MRPL32: variants seen among roughly 807,000 people sequenced by gnomAD.
The protein encoded by MRPL32 is large ribosomal subunit protein bL32m.
In MRPL32, 14 loss-of-function variants were observed where a neutral mutation model predicts 21.7. The ratio of observed to expected loss-of-function variants is 0.64; its 90% CI spans 0.43 to 1.01. MRPL32 has a LOEUF of 1.01. Ranked by LOEUF, MRPL32 falls within the 50% of genes least tolerant of loss-of-function variation. MRPL32 has a pLI of 0.00. For synonymous variants in MRPL32, 83 were observed against 87.7 expected (o/e 0.95, Z 0.30); for missense variants, 211 against 235.9 (o/e 0.89, Z 0.69).
intron 1 of MRPL32, 71 bp downstream of exon 1, chr7:42,932,587 T>G: frequency 6.8e-7 from 1 of 1,470,276 alleles, no homozygotes; most frequent in Non-Finnish European, 9.1e-7. Context: ...AGACGCAGCT[T>G]ACACAGTTCG....
At position 42,935,045 on chromosome 7, in the gene MRPL32, G is replaced by C. The variant is rs1288967958; in HGVS notation, c.221G>C (p.Ser74Thr). ...AAAGAGAATTCCAGCCTTTTGGACA[G>C]TATCTTTTGGATGGCAGCTCCCAAA... ...GSKENSSLLD[S>T]IFWMAAPKNR... The change falls in exon 2 of 3, where the codon AGT (serine) becomes ACT (threonine). Residue 74 changes from serine to threonine, a missense_variant. Ser to Thr is a moderately conservative substitution (Grantham distance 58, BLOSUM62 1). Around this residue, in one of 2 missense-constraint regions of MRPL32, gnomAD observed 130 missense variants for 180.1 expected, o/e 0.72. Coordinates refer to ENST00000223324, the MANE Select transcript of MRPL32 (RefSeq NM_031903.3). The C allele has an allele frequency of 6.2e-7, 1 of 1,613,970 alleles. No individual in the cohort carries two copies. Among genetic ancestry groups the C allele is most frequent in the Non-Finnish European group, 8.5e-7 (1 of 1,180,004 alleles).
chr7:42,932,946 T>C (rs1005221921), intron 1 of MRPL32, among the ~76,000 whole-genome samples: 1 of 151,746 alleles, frequency 6.6e-6, no homozygotes, highest in Admixed American at 6.6e-5. Context: ...AGAAGTGTAG[T>C]ATAGTGAAGT....
intron 1 of MRPL32, among the ~76,000 whole-genome samples, chr7:42,932,900 G>C (rs971850662): frequency 1.3e-5 from 2 of 152,076 alleles, no homozygotes; most frequent in African/African-American, 2.4e-5. Flanking sequence ...AAGGGAGAAT[G>C]AGCGAGGCGG....
chr7:42,935,182 T>C (rs1209498598), intron 2 of MRPL32, 46 bp downstream of exon 2: 3 of 1,504,368 alleles, frequency 2.0e-6, no homozygotes, highest in South Asian at 1.2e-5. Context: ...AAGTCCTCCA[T>C]TGAATAAGCT....
chr7:42,937,753 G>C lies in MRPL32; in HGVS notation c.*177G>C. 1 of 581,784 alleles carries C rather than the reference G, an allele frequency of 1.7e-6. No individual in the cohort carries two copies. Among genetic ancestry groups the C allele is most frequent in the East Asian group, 3.1e-5 (1 of 32,296 alleles). 36.0% of individuals were successfully genotyped at this position (581,784 alleles called of 1,614,324 possible). Reference sequence around the variant, plus strand: ...ATTATGAGTAAACTCCGAAAATTTTGTTTATCCAAAGGCTCAATGGATTAT... The same window carrying C: ...ATTATGAGTAAACTCCGAAAATTTTCTTTATCCAAAGGCTCAATGGATTAT... On this transcript the variant is annotated 3_prime_UTR_variant, in exon 3 of 3. Transcript: ENST00000223324.
At position 42,937,701 on chromosome 7, in the gene MRPL32, T is replaced by G; in HGVS notation, c.*125T>G. 2 of 1,052,346 alleles carry G rather than the reference T, an allele frequency of 1.9e-6. No homozygotes were observed. Among genetic ancestry groups the G allele is most frequent in the Non-Finnish European group, 2.6e-6 (2 of 762,440 alleles). The allele number at this position is 1,052,346 out of a possible 1,614,324, so 65.2% of individuals were successfully genotyped here. ...AGTTTAACACATTCTTTCTAAGCAG[T>G]TTTGTGTGGGATAATTTGAAGAATA... On this transcript the variant is annotated 3_prime_UTR_variant, in exon 3 of 3. Coordinates refer to ENST00000223324, the MANE Select transcript of MRPL32 (RefSeq NM_031903.3).
intron 1 of MRPL32, 109 bp downstream of exon 1, chr7:42,932,625 C>T (rs1786343059): frequency 8.1e-7 from 1 of 1,238,358 alleles, no homozygotes; most frequent in Non-Finnish European, 1.1e-6. Context: ...GATCCGCGGC[C>T]TCATGTCGGG....
At chr7:42,935,669 CTCA>C (rs1164209296) in intron 2 of MRPL32, 1 of 152,136 alleles carries the variant, frequency 6.6e-6, no homozygotes, top group African/African-American at 2.4e-5. Context: ...TTTATTATAT[CTCA>C]TCATGTCTTA....
Position 42,937,373 on chromosome 7 carries a change from C to T in MRPL32, c.364C>T (p.Leu122Phe). ...TGGTCACCTGAAACAGAAACATGTC[C>T]TTTGTGCCTACTGCTATGAAAAGGT... ...ECGHLKQKHV[L>F]CAYCYEKVCK... is the part of the protein sequence containing the mutation. Residue 122 changes from leucine to phenylalanine, a missense_variant, in exon 3 of 3, where the codon CTT becomes TTT. Leu to Phe is a conservative substitution (Grantham distance 22). Transcript: ENST00000223324. The T allele has an allele frequency of 3.1e-6, 5 of 1,614,160 alleles. No homozygotes were observed. The highest frequency in any genetic ancestry group is 1.3e-5 in the African/African-American group (1 of 75,030).
In MRPL32 at chr7:42,932,383, G is replaced by GA. The variant is rs1171008628; in HGVS notation, c.1dup. The GA allele has an allele frequency of 6.2e-7, 1 of 1,607,130 alleles. No individual in the cohort carries two copies. The highest frequency in any genetic ancestry group is 1.7e-5 in the Admixed American group (1 of 59,630). On this transcript the variant is annotated 5_prime_UTR_variant, in exon 1 of 3. Coordinates refer to ENST00000223324, the MANE Select transcript of MRPL32 (RefSeq NM_031903.3). ...GGGACCGGGGCGGTCTTCCAGCAGG[G>GA]AAAATGGCGCTGGCCATGCTGGTCT...
chr7:42,934,352 AAG>A (rs979840880), intron 1 of MRPL32, among the ~76,000 whole-genome samples: 17 of 152,306 alleles, frequency 1.1e-4, no homozygotes, highest in African/African-American at 4.1e-4. Context: ...AATTCAGAAA[AAG>A]AGAAACTTTG....
chr7:42,933,042 A>G (rs1313093132), intron 1 of MRPL32, among the ~76,000 whole-genome samples: 1 of 152,110 alleles, frequency 6.6e-6, no homozygotes, highest in Non-Finnish European at 1.5e-5. Context: ...ACTGGGAGAC[A>G]AAGGCCCTAT....
chr7:42,933,494 C>T (rs1246454569), intron 1 of MRPL32, among the ~76,000 whole-genome samples: 3 of 149,554 alleles, frequency 2.0e-5, no homozygotes, highest in Non-Finnish European at 3.0e-5. Flanking sequence ...CCCTTCCCTT[C>T]CCTCCCTTCT....
intron 2 of MRPL32, 51 bp from the exon 3 acceptor site, chr7:42,937,271 G>C: frequency 6.2e-7 from 1 of 1,611,856 alleles, no homozygotes. Context: ...GTGGTTATTT[G>C]TTCGTTATAT....
At chr7:42,937,300 G>T in intron 2 of MRPL32, 22 bp from the exon 3 acceptor site, 1 of 1,612,566 alleles carries the variant, frequency 6.2e-7, no homozygotes, top group East Asian at 2.2e-5. Flanking sequence ...GTTAAAATAC[G>T]TTTTTGTTTA....
chr7:42,932,727 T>A (rs1786347956), intron 1 of MRPL32, among the ~76,000 whole-genome samples: 1 of 151,200 alleles, frequency 6.6e-6, no homozygotes, highest in African/African-American at 2.4e-5. Flanking sequence ...AAAATTCCTC[T>A]GCTTGTTCCA....
chr7:42,937,143 C>G, intron 2 of MRPL32, 179 bp from the exon 3 acceptor site: 1 of 1,490,424 alleles, frequency 6.7e-7, no homozygotes, highest in Non-Finnish European at 9.0e-7. Context: ...CTAATTCAAA[C>G]TCAGTGTTGC....
Position 42,932,413 on chromosome 7 carries a change from G to T in MRPL32, c.27G>T (p.Val9=), listed in dbSNP as rs780671188. MALAMLVL[V]VSPWSAARGV... is the part of the protein sequence containing the mutation. ...TGGCGCTGGCCATGCTGGTCTTGGT[G>T]GTTTCGCCGTGGTCTGCGGCCCGGG... Residue 9 remains valine, a synonymous_variant, in exon 1 of 3, where the codon GTG becomes GTT. Coordinates refer to ENST00000223324, the MANE Select transcript of MRPL32 (RefSeq NM_031903.3). The T allele has an allele frequency of 6.2e-7, 1 of 1,611,748 alleles. No individual in the cohort carries two copies.
At chr7:42,935,174 G>A in intron 2 of MRPL32, 38 bp downstream of exon 2, 1 of 1,551,306 alleles carries the variant, frequency 6.4e-7, no homozygotes, top group Non-Finnish European at 8.8e-7. Context: ...TTTTCCTCAA[G>A]TCCTCCATTG....
Sources: allele counts gnomAD v4.1 joint callset (sites outside exome capture counted in the v4.1 genomes callset), GRCh38; gene constraint gnomAD v4.1.1; regional missense constraint gnomAD v4.1.1; transcripts MANE v1.5; gene names NCBI Gene and HGNC (gene_info 2026-07-23, HGNC 2026-07-21).